The following GRAMD1B variants were observed in gnomAD, a reference collection of about 807,000 sequenced individuals.
GRAMD1B encodes protein Aster-B.
Under a neutral mutation model 99.7 loss-of-function variants are expected in GRAMD1B, and 37 were observed. That is an observed-to-expected ratio of 0.37 (90% CI 0.29 to 0.49). The LOEUF is 0.49. GRAMD1B is among the 20% of genes least tolerant of loss of function. The probability of loss-of-function intolerance (pLI) is 0.98; values close to 1 mark genes in which losing one functional copy is unlikely to be tolerated. For synonymous variants in GRAMD1B, 427 were observed against 387.6 expected (o/e 1.10, Z -1.19); for missense variants, 888 against 1,009.2 (o/e 0.88, Z 1.63).
chr11:123,454,854 G>A (rs1401752478), intron 1 of GRAMD1B: 2 of 152,228 alleles, frequency 1.3e-5, no homozygotes, highest in Non-Finnish European at 2.9e-5. Flanking sequence ...TTGCCTCTGA[G>A]AGATAGGAGA....
chr11:123,399,296 T>A (rs1236647115), intron 1 of GRAMD1B, among the ~76,000 whole-genome samples: 1 of 152,188 alleles, frequency 6.6e-6, no homozygotes, highest in Non-Finnish European at 1.5e-5. Context: ...AATATGCCAT[T>A]GTATTTAAGT....
chr11:123,559,767 T>C lies in GRAMD1B; in HGVS notation c.453-17600T>C, dbSNP rs967673860. 6.1e-6 allele frequency: 5 copies of C among 816,496 alleles called. No individual in the cohort carries two copies. The Admixed American group carries it at 2.5e-4, about 41-fold the overall frequency. 50.6% of individuals were successfully genotyped at this position (816,496 alleles called of 1,614,324 possible). ...GCGGGAGAAGCGAGCATCCTGGAAG[T>C]CTGGGAGCAGCTACACTGAAGAGGC... On this transcript the variant is annotated intron_variant, in intron 2 of 19. Coordinates refer to ENST00000635736, the MANE Select transcript of GRAMD1B (RefSeq NM_001387025.1).
At chr11:123,516,903 C>T (rs994327567) in intron 2 of GRAMD1B, among the ~76,000 whole-genome samples, 1 of 152,108 alleles carries the variant, frequency 6.6e-6, no homozygotes, top group African/African-American at 2.4e-5. Context: ...GGGTCATGAA[C>T]ATATTAGACG....
chr11:123,385,373 C>T (rs1947021071), intron 1 of GRAMD1B, among the ~76,000 whole-genome samples: 1 of 152,174 alleles, frequency 6.6e-6, no homozygotes. Flanking sequence ...CCATGCCATT[C>T]TCCTCACTCC....
At chr11:123,429,633 A>G (rs1050588439), upstream of GRAMD1B, among the ~76,000 whole-genome samples, 4 of 152,136 alleles carry the variant, frequency 2.6e-5, no homozygotes, top group East Asian at 7.7e-4. This position sits in a 1 kb window ranked among gnomAD's most constrained non-coding sequence, Gnocchi z 4.0. Flanking sequence ...TGGTACTGGC[A>G]GCTGGCTCAT....
At chr11:123,523,604 A>G (rs961925942) in intron 2 of GRAMD1B, among the ~76,000 whole-genome samples, 1 of 152,108 alleles carries the variant, frequency 6.6e-6, no homozygotes, top group African/African-American at 2.4e-5. Flanking sequence ...TGTTTCTAAT[A>G]TAATACTTGG....
At chr11:123,581,031 C>G (rs142340477) in intron 3 of GRAMD1B, among the ~76,000 whole-genome samples, 2 of 151,960 alleles carry the variant, frequency 1.3e-5, no homozygotes, top group African/African-American at 4.8e-5. Flanking sequence ...TCCCTGCCCC[C>G]CTACCTCCTC....
rs1950967816 is a variant in GRAMD1B, at chr11:123,594,004, G to A, written c.685-78G>A. On this transcript the variant is annotated intron_variant, in intron 4 of 19. Coordinates refer to ENST00000635736, the MANE Select transcript of GRAMD1B (RefSeq NM_001387025.1). ...CTTTGCTTTTTAAACACACAAGCAA[G>A]TGCTCCTCATCTTGCCCTTCCTTCC... 5 of 965,564 alleles carry A rather than the reference G, an allele frequency of 5.2e-6. No homozygotes were observed. The Admixed American group carries it at 5.2e-5, about 10-fold the overall frequency. 59.8% of individuals were successfully genotyped at this position (965,564 alleles called of 1,614,324 possible).
chr11:123,469,742 T>C (rs757579940), intron 1 of GRAMD1B, among the ~76,000 whole-genome samples: 8 of 53,630 alleles, frequency 1.5e-4, no homozygotes, highest in African/African-American at 4.7e-4. Context: ...TTTCTTTCTC[T>C]TTCTTTCTTT....
intron 16 of GRAMD1B, among the ~76,000 whole-genome samples, chr11:123,614,047 G>T (rs987586610): frequency 6.6e-6 from 1 of 152,030 alleles, no homozygotes; most frequent in Non-Finnish European, 1.5e-5. Context: ...GACAGTCCCC[G>T]TTCACTTCAA....
chr11:123,430,921 C>T lies in GRAMD1B; in HGVS notation c.129C>T (p.Phe43=). 1 of 702,762 alleles carries T rather than the reference C, an allele frequency of 1.4e-6. No homozygotes were observed. Among genetic ancestry groups the T allele is most frequent in the Non-Finnish European group, 2.6e-6 (1 of 384,868 alleles). 43.5% of individuals were successfully genotyped at this position (702,762 alleles called of 1,614,324 possible). A position where few individuals can be genotyped will look rare whatever the true frequency, so the allele number is the denominator to read the frequency against. Residue 43 remains phenylalanine, a synonymous_variant, in exon 1 of 20, where the codon TTC becomes TTT. Coordinates refer to ENST00000635736, the MANE Select transcript of GRAMD1B (RefSeq NM_001387025.1). Reference sequence around the variant, plus strand: ...CCCCCACGCTTCGCCGCCGGCGCTTCAAGATGCGCCGCATGAAGAACGTAC... The same window carrying T: ...CCCCCACGCTTCGCCGCCGGCGCTTTAAGATGCGCCGCATGAAGAACGTAC... ...SSTPTLRRRR[F]KMRRMKNVQE... is the part of the protein sequence containing the mutation.
chr11:123,596,628 C>G (rs553656638), intron 7 of GRAMD1B, among the ~76,000 whole-genome samples: 1 of 152,198 alleles, frequency 6.6e-6, no homozygotes, highest in Non-Finnish European at 1.5e-5. Flanking sequence ...TTACAGTTCC[C>G]TTGGACTCAG....
chr11:123,442,059 C>T (rs1457327608), intron 1 of GRAMD1B, among the ~76,000 whole-genome samples: 1 of 152,098 alleles, frequency 6.6e-6, no homozygotes, highest in African/African-American at 2.4e-5. Context: ...TTTCTGTGAC[C>T]AGATATGTGG....
chr11:123,586,561 A>G (rs538979099), intron 4 of GRAMD1B, among the ~76,000 whole-genome samples: 1 of 152,204 alleles, frequency 6.6e-6, no homozygotes, highest in Admixed American at 6.5e-5. Flanking sequence ...GTGACAGGGC[A>G]CCCTGCTCCT....
At chr11:123,564,457 A>G (rs762910802) in intron 2 of GRAMD1B, among the ~76,000 whole-genome samples, 12 of 152,230 alleles carry the variant, frequency 7.9e-5, no homozygotes, top group Non-Finnish European at 1.3e-4. Context: ...TTGTCCCCAG[A>G]TCAGACATGA....
At position 123,576,492 on chromosome 11, in the gene GRAMD1B, C is replaced by G. The variant is rs532481734; in HGVS notation, c.453-875C>G. 1.7e-4 allele frequency among the ~76,000 whole-genome samples: 26 copies of G among 152,344 alleles called. 1 individual carries two copies. In the South Asian group the frequency reaches 5.4e-3, roughly 32 times the overall value. ...CATTCAGTTTCTCTCTCCCTTCTGT[C>G]TCTCATCTCTTCTTCTAGTCCATTG... On this transcript the variant is annotated intron_variant, in intron 2 of 19. Transcript: ENST00000635736.
chr11:123,598,734 G>A (rs1469433112), intron 7 of GRAMD1B: 4 of 903,482 alleles, frequency 4.4e-6, no homozygotes, highest in South Asian at 1.3e-5. Context: ...ATGGGCTCCA[G>A]CCTGCGTCAG....
At chr11:123,475,351 C>T (rs1167037675) in intron 1 of GRAMD1B, among the ~76,000 whole-genome samples, 1 of 152,196 alleles carries the variant, frequency 6.6e-6, no homozygotes, top group East Asian at 1.9e-4. Context: ...GGATAAGCTC[C>T]TGCACTAGCA....
intron 1 of GRAMD1B, among the ~76,000 whole-genome samples, chr11:123,480,385 A>G (rs1951526268): frequency 6.6e-6 from 1 of 151,444 alleles, no homozygotes; most frequent in Non-Finnish European, 1.5e-5. Flanking sequence ...CTCCTCCCAC[A>G]CATCTCACAC....
Sources: gnomAD v4.1 joint callset for allele counts (sites outside exome capture counted in the v4.1 genomes callset) on GRCh38, gnomAD v4.1.1 for gene constraint, Gnocchi (gnomAD v3.1) non-coding constraint, MANE v1.5 for transcripts, NCBI Gene and HGNC (gene_info 2026-07-23, HGNC 2026-07-21) for gene names.